The following A4GALT variants were observed in gnomAD, a reference collection of about 807,000 sequenced individuals.
A4GALT encodes lactosylceramide 4-alpha-galactosyltransferase.
For synonymous variants in A4GALT, 257 were observed against 220.7 expected (o/e 1.16, Z -1.46); for missense variants, 512 against 486.0 (o/e 1.05, Z -0.50).
At chr22:42,706,355 A>C (rs1174318221) in intron 1 of A4GALT, among the ~76,000 whole-genome samples, 4 of 29,606 alleles carry the variant, frequency 1.4e-4, no homozygotes, top group Admixed American at 3.3e-4. Flanking sequence ...ACTCCATCCC[A>C]AAAAAAAAAA....
At chr22:42,716,188 C>G (rs1390175709) in intron 1 of A4GALT, among the ~76,000 whole-genome samples, 1 of 152,122 alleles carries the variant, frequency 6.6e-6, no homozygotes, top group South Asian at 2.1e-4. Context: ...TCTCCCACTC[C>G]TACTCCAGGC....
At chr22:42,706,197 T>G in intron 1 of A4GALT, among the ~76,000 whole-genome samples, 1 of 136,870 alleles carries the variant, frequency 7.3e-6, no homozygotes, top group African/African-American at 2.7e-5. Context: ...CTACTAAAAA[T>G]ACAAAAAATT....
At chr22:42,702,917 G>T (rs1320826818) in intron 1 of A4GALT, among the ~76,000 whole-genome samples, 1 of 119,644 alleles carries the variant, frequency 8.4e-6, no homozygotes, top group Non-Finnish European at 1.6e-5. Context: ...AGCCAATCCC[G>T]GTCCCTGCTC....
At chr22:42,698,064 C>G (rs977810797) in intron 1 of A4GALT, among the ~76,000 whole-genome samples, 4 of 152,210 alleles carry the variant, frequency 2.6e-5, no homozygotes, top group Non-Finnish European at 2.9e-5. Context: ...TCCTGGCCAA[C>G]ACGGTGAAAC....
chr22:42,712,977 C>T (rs142922910), intron 1 of A4GALT, among the ~76,000 whole-genome samples: 36 of 152,268 alleles, frequency 2.4e-4, no homozygotes, highest in African/African-American at 7.2e-4. Context: ...TCACCTACTG[C>T]GTGTTCTTGT....
chr22:42,716,695 T>A (rs1045770827), intron 1 of A4GALT, among the ~76,000 whole-genome samples: 5 of 152,148 alleles, frequency 3.3e-5, no homozygotes, highest in African/African-American at 1.2e-4. Context: ...AGGAGGTGCT[T>A]GACTCTGAGA....
At chr22:42,719,847 C>A (rs1445859807) in intron 1 of A4GALT, among the ~76,000 whole-genome samples, 1 of 152,076 alleles carries the variant, frequency 6.6e-6, no homozygotes, top group Non-Finnish European at 1.5e-5. Context: ...AAGGGGCCTT[C>A]GCGGAACAAT....
intron 1 of A4GALT, among the ~76,000 whole-genome samples, chr22:42,704,878 GC>G (rs1177984413): frequency 2.8e-5 from 2 of 70,230 alleles, no homozygotes; most frequent in Admixed American, 1.3e-4. Flanking sequence ...ATGGGGGGGG[GC>G]GGGGGGGGGC....
intron 1 of A4GALT, chr22:42,718,446 GGA>G (rs1922389340): frequency 1.0e-5 from 1 of 99,160 alleles, no homozygotes; most frequent in Admixed American, 9.9e-5. Context: ...TATTTTTAGT[GGA>G]GATGGGGGGT....
At chr22:42,715,439 G>A (rs185620496) in intron 1 of A4GALT, among the ~76,000 whole-genome samples, 160 of 152,208 alleles carry the variant, frequency 1.1e-3, no homozygotes, top group Non-Finnish European at 1.7e-3. Context: ...ATGTAATTCA[G>A]GGCTGGGCAA....
At chr22:42,710,560 G>A (rs1398153888) in intron 1 of A4GALT, among the ~76,000 whole-genome samples, 1 of 152,018 alleles carries the variant, frequency 6.6e-6, no homozygotes, top group Non-Finnish European at 1.5e-5. Flanking sequence ...AGTGGAGCAT[G>A]GTGGTATGCA....
chr22:42,706,903 C>A (rs1251042378), intron 1 of A4GALT, among the ~76,000 whole-genome samples: 1 of 152,094 alleles, frequency 6.6e-6, no homozygotes, highest in African/African-American at 2.4e-5. Flanking sequence ...CAACAAACCT[C>A]ACTAAATTAG....
intron 1 of A4GALT, among the ~76,000 whole-genome samples, chr22:42,705,463 C>T (rs377357635): frequency 9.5e-5 from 13 of 136,652 alleles, no homozygotes; most frequent in East Asian, 4.1e-4. Context: ...ATTAGCTGGG[C>T]ATGGTGGCGC....
rs1227734173 is a variant in A4GALT, at chr22:42,693,639, G to A, written c.313C>T (p.His105Tyr). 1 of 1,611,902 alleles carries A rather than the reference G, an allele frequency of 6.2e-7. No homozygotes were observed. Among genetic ancestry groups the A allele is most frequent in the Non-Finnish European group, 8.5e-7 (1 of 1,179,192 alleles). ...MCSVESAART[H>Y]PESHVLVLMK... is the part of the protein sequence containing the mutation. ...AGGACCAGCACGTGGGATTCGGGGTGAGTTCTGGCGGCCGACTCCACCGAG... is the reference window on the plus strand; with the variant it reads ...AGGACCAGCACGTGGGATTCGGGGTAAGTTCTGGCGGCCGACTCCACCGAG... Residue 105 changes from histidine (H) to tyrosine (Y), a missense_variant, in exon 3 of 3, where the codon CAC (histidine) becomes TAC (tyrosine). By Grantham distance (83) the His-to-Tyr change is moderately conservative. Transcript: ENST00000642412.
chr22:42,707,311 C>T (rs902190976), intron 1 of A4GALT, among the ~76,000 whole-genome samples: 4 of 151,998 alleles, frequency 2.6e-5, no homozygotes, highest in Non-Finnish European at 4.4e-5. Flanking sequence ...ATTTAAAAAT[C>T]GGGAATTTTT....
Position 42,693,989 on chromosome 22 carries a change from C to T in A4GALT, c.-38G>A, listed in dbSNP as rs746932452. 8 of 1,537,080 alleles carry T rather than the reference C, an allele frequency of 5.2e-6. No individual in the cohort carries two copies. In the South Asian group the frequency reaches 9.5e-5, roughly 18 times the overall value. On this transcript the variant is annotated 5_prime_UTR_variant, in exon 3 of 3. Coordinates refer to ENST00000642412, the MANE Select transcript of A4GALT (RefSeq NM_017436.7). ...TCAGACCAGGAGCTTCCAGCAGGAA[C>T]CGGCTGGTCTGCAAGAGATGAGCAC...
At chr22:42,701,127 C>T (rs1222049690) in intron 1 of A4GALT, among the ~76,000 whole-genome samples, 1 of 152,202 alleles carries the variant, frequency 6.6e-6, no homozygotes, top group East Asian at 1.9e-4. Context: ...GGGCTTCACC[C>T]CCAGGGTCTC....
chr22:42,694,990 C>A, intron 2 of A4GALT: 1 of 152,056 alleles, frequency 6.6e-6, no homozygotes, highest in Non-Finnish European at 1.5e-5. Flanking sequence ...AAGTGCAGTA[C>A]CTTGTGCAGA....
intron 1 of A4GALT, among the ~76,000 whole-genome samples, chr22:42,705,459 T>C (rs565379950): frequency 0.22 from 23,852 of 109,380 alleles, 3,971 homozygotes; most frequent in Middle Eastern, 0.34. Context: ...AAAAATTAGC[T>C]GGGCATGGTG....
Sources: allele counts gnomAD v4.1 joint callset (sites outside exome capture counted in the v4.1 genomes callset), GRCh38; gene constraint gnomAD v4.1.1; transcripts MANE v1.5; gene names NCBI Gene and HGNC (gene_info 2026-07-23, HGNC 2026-07-21).